The following RGS8 variants were observed in gnomAD, a reference collection of about 807,000 sequenced individuals.
RGS8 encodes regulator of G protein signaling 8.
Under a neutral mutation model 21.7 loss-of-function variants are expected in RGS8, and 8 were observed. The observed-to-expected ratio is 0.37, with a 90% CI of 0.22 to 0.66. The LOEUF (loss-of-function observed/expected upper bound fraction) is 0.66. Among genes scored for constraint, RGS8 ranks in the 30% least tolerant of loss-of-function variants. RGS8 has a pLI of 0.59. For missense variants in RGS8, 157 were observed against 217.9 expected (o/e 0.72, Z 1.76); for synonymous variants, 80 against 83.6 (o/e 0.96, Z 0.24).
chr1:182,652,242 G>A (rs1400998055), intron 5 of RGS8, among the ~76,000 whole-genome samples: 1 of 152,172 alleles, frequency 6.6e-6, no homozygotes, highest in Admixed American at 6.5e-5. Flanking sequence ...TTATGAGCAA[G>A]GTGAATGCAG....
At chr1:182,715,649 T>C in the RGS8 span, among the ~76,000 whole-genome samples, 2 of 152,196 alleles carry the variant, frequency 1.3e-5, no homozygotes, top group Non-Finnish European at 2.9e-5. Context: ...ATAATATTGA[T>C]GCTGCTCGTC....
the RGS8 span, among the ~76,000 whole-genome samples, chr1:182,750,992 G>A: frequency 6.6e-6 from 1 of 152,228 alleles, no homozygotes; most frequent in Non-Finnish European, 1.5e-5. Flanking sequence ...GGGGACATTT[G>A]CATCTTGAAG....
chr1:182,698,038 C>A, the RGS8 span, among the ~76,000 whole-genome samples: 2 of 152,156 alleles, frequency 1.3e-5, no homozygotes, highest in Non-Finnish European at 2.9e-5. Flanking sequence ...CACAAACAGG[C>A]GATTGCTGTC....
the RGS8 span, among the ~76,000 whole-genome samples, chr1:182,736,415 C>T: frequency 2.0e-5 from 3 of 152,146 alleles, no homozygotes; most frequent in Admixed American, 1.3e-4. Flanking sequence ...ATAGGAATCA[C>T]GTGGGAAGCT....
intron 1 of RGS8, among the ~76,000 whole-genome samples, chr1:182,682,029 C>A (rs979511503): frequency 6.6e-6 from 1 of 152,076 alleles, no homozygotes; most frequent in African/African-American, 2.4e-5. Flanking sequence ...AGAGGGGAAG[C>A]AAGAAAGCAT....
At chr1:182,685,838 A>G (rs1454039456), upstream of RGS8, among the ~76,000 whole-genome samples, 1 of 152,130 alleles carries the variant, frequency 6.6e-6, no homozygotes, top group Non-Finnish European at 1.5e-5. Flanking sequence ...GGAACCTAGT[A>G]TGTGCTGTGG....
At chr1:182,646,439 C>T in exon 7 of RGS8, 1 of 325,224 alleles carries the variant, frequency 3.1e-6, no homozygotes, top group Non-Finnish European at 5.6e-6. Flanking sequence ...AGCAAATCTG[C>T]CCTCTCAGCA....
chr1:182,677,209 C>T (rs546407918), upstream of RGS8, among the ~76,000 whole-genome samples: 8 of 152,304 alleles, frequency 5.3e-5, 1 homozygote, highest in South Asian at 2.1e-4. Flanking sequence ...GCAAGCTACT[C>T]GCCCTGTCTG....
chr1:182,744,645 G>A, the RGS8 span, among the ~76,000 whole-genome samples: 1 of 152,178 alleles, frequency 6.6e-6, no homozygotes, highest in Admixed American at 6.5e-5. Context: ...AATTGCCTTC[G>A]TTATTCAGTA....
chr1:182,695,867 A>G, the RGS8 span, among the ~76,000 whole-genome samples: 1 of 152,208 alleles, frequency 6.6e-6, no homozygotes, highest in Non-Finnish European at 1.5e-5. Flanking sequence ...GGTTATATAC[A>G]TTCTGTATCT....
At chr1:182,649,179 T>C (rs1224250803) in intron 5 of RGS8, among the ~76,000 whole-genome samples, 1 of 152,198 alleles carries the variant, frequency 6.6e-6, no homozygotes, top group Non-Finnish European at 1.5e-5. Context: ...GGCACAGGTG[T>C]CTCTATCCCC....
intron 5 of RGS8, among the ~76,000 whole-genome samples, chr1:182,656,416 C>A (rs900665882): frequency 3.3e-5 from 5 of 152,164 alleles, no homozygotes; most frequent in African/African-American, 1.2e-4. Context: ...GAACTGAGGC[C>A]GTTAGGTGCC....
At chr1:182,699,997 G>T in the RGS8 span, among the ~76,000 whole-genome samples, 5,897 of 152,322 alleles carry the variant, frequency 0.039, 148 homozygotes, top group East Asian at 0.1. Flanking sequence ...CAGGAGACTG[G>T]AGGGGCTCAC....
chr1:182,749,446 T>C, the RGS8 span, among the ~76,000 whole-genome samples: 1 of 152,342 alleles, frequency 6.6e-6, no homozygotes, highest in South Asian at 2.1e-4. Context: ...TTGGTCTATG[T>C]GTCTGTTTTA....
intron 5 of RGS8, among the ~76,000 whole-genome samples, chr1:182,664,609 A>T (rs1663764448): frequency 6.6e-6 from 1 of 152,256 alleles, no homozygotes; most frequent in Admixed American, 6.5e-5. Context: ...ATTAAAAAAA[A>T]TAGCATTACT....
At chr1:182,699,052 TG>T in the RGS8 span, among the ~76,000 whole-genome samples, 3 of 152,244 alleles carry the variant, frequency 2.0e-5, no homozygotes, top group Non-Finnish European at 4.4e-5. Flanking sequence ...TTTATGATTC[TG>T]AAAAGGTTAA....
chr1:182,712,307 A>G, the RGS8 span, among the ~76,000 whole-genome samples: 3 of 151,994 alleles, frequency 2.0e-5, no homozygotes, highest in Non-Finnish European at 4.4e-5. Flanking sequence ...ATGTAAACTC[A>G]TACAGCTACT....
At chr1:182,642,462 C>A (rs1258555388), downstream of RGS8, 1 of 152,348 alleles carries the variant, frequency 6.6e-6, no homozygotes, top group Non-Finnish European at 1.5e-5. Flanking sequence ...GGGAGACCAC[C>A]CTGCCTCTGC....
the RGS8 span, among the ~76,000 whole-genome samples, chr1:182,730,493 T>C: frequency 6.6e-6 from 1 of 152,108 alleles, no homozygotes; most frequent in Non-Finnish European, 1.5e-5. Context: ...GCAGATTGCC[T>C]GAGCTCCGGA....
Sources: gnomAD v4.1 joint callset for allele counts (sites outside exome capture counted in the v4.1 genomes callset) on GRCh38, gnomAD v4.1.1 for gene constraint, MANE v1.5 for transcripts, NCBI Gene and HGNC (gene_info 2026-07-23, HGNC 2026-07-21) for gene names.